Variants in NINL observed in about 807,000 individuals in gnomAD.
NINL encodes ninein-like protein.
A neutral mutation model predicts 160.3 loss-of-function variants in NINL; 153 were observed. The observed-to-expected ratio is 0.95, with a 90% CI of 0.84 to 1.09. The LOEUF (loss-of-function observed/expected upper bound fraction) is 1.09, where lower values mean the gene tolerates loss of function less well. Ranked by LOEUF, NINL falls within the 50% of genes least tolerant of loss-of-function variation. The pLI is 0.00. For synonymous variants in NINL, 800 were observed against 734.8 expected (o/e 1.09, Z -1.43); for missense variants, 1,829 against 1,764.0 (o/e 1.04, Z -0.66).
At chr20:25,517,906 A>C in intron 2 of NINL, 57 bp from the exon 3 acceptor site, 1 of 1,105,624 alleles carries the variant, frequency 9.0e-7, no homozygotes, top group Non-Finnish European at 1.3e-6. Flanking sequence ...CACACAATTC[A>C]AAAGTGACTC....
chr20:25,496,562 C>T, intron 10 of NINL, 101 bp downstream of exon 10: 2 of 1,434,126 alleles, frequency 1.4e-6, no homozygotes, highest in South Asian at 1.3e-5. Flanking sequence ...CACTGAGCCA[C>T]ACCCGCAGCT....
chr20:25,572,993 A>C (rs2147178040), intron 1 of NINL, among the ~76,000 whole-genome samples: 1 of 152,254 alleles, frequency 6.6e-6, no homozygotes, highest in Non-Finnish European at 1.5e-5. Context: ...TTTCATGTTG[A>C]CTATAAAGAA....
intron 1 of NINL, among the ~76,000 whole-genome samples, chr20:25,549,542 T>A (rs951526724): frequency 4.6e-5 from 7 of 152,224 alleles, no homozygotes; most frequent in African/African-American, 9.6e-5. Flanking sequence ...GTCTGCTGAG[T>A]CTCACTTCCC....
intron 21 of NINL, among the ~76,000 whole-genome samples, chr20:25,460,362 T>G (rs1186627138): frequency 6.6e-6 from 1 of 152,030 alleles, no homozygotes; most frequent in East Asian, 1.9e-4. Flanking sequence ...GAAGAAGGGG[T>G]GACCCACATG....
chr20:25,489,218 A>G (rs1397091214), intron 13 of NINL, 26 bp downstream of exon 13: 3 of 1,609,866 alleles, frequency 1.9e-6, no homozygotes, highest in Non-Finnish European at 2.6e-6. Context: ...ACATGAGACT[A>G]AAAGGCAGAC....
In NINL at chr20:25,468,699, G is replaced by A. The variant is rs560910720; in HGVS notation, c.3354-1241C>T. ...CTGCCCTGTCCCCTGTCACTGGTGGGCGCCTCTCTGCCCTGTCCCCTGACT... is the reference window on the plus strand; with the variant it reads ...CTGCCCTGTCCCCTGTCACTGGTGGACGCCTCTCTGCCCTGTCCCCTGACT... On this transcript the variant is annotated intron_variant, in intron 18 of 23. Transcript: ENST00000278886. 7.1e-5 allele frequency among the ~76,000 whole-genome samples: 10 copies of A among 140,578 alleles called. No homozygotes were observed. In the South Asian group the frequency reaches 2.4e-3, roughly 33 times the overall value. The allele number at this position is 140,578 out of a possible 152,430, so 92.2% of individuals were successfully genotyped here. A position where few individuals can be genotyped will look rare whatever the true frequency, so the allele number is the denominator to read the frequency against.
rs767584199 is a variant in NINL, at chr20:25,476,340, C to T, written c.2951G>A (p.Arg984Gln). The T allele has an allele frequency of 2.7e-5, 43 of 1,612,422 alleles. No individual in the cohort carries two copies. In the African/African-American group the frequency reaches 4.4e-4, roughly 17 times the overall value. The part of the protein sequence containing the change: ...RLQAIQEERA[R>Q]SWSRGTQEQA... The stretch of plus-strand genomic sequence containing the variant: ...CTCCTGGGTGCCCCTGCTCCAGCTT[C>T]GTGCTCGCTCTTCCTGAATGGCCTG... The change falls in exon 17 of 24, where the codon CGA becomes CAA. Residue 984 changes from arginine (R) to glutamine (Q), a missense_variant. Arg to Gln is a conservative substitution (Grantham distance 43). Transcript: ENST00000278886.
intron 2 of NINL, among the ~76,000 whole-genome samples, chr20:25,522,665 G>C (rs1412389692): frequency 1.3e-5 from 2 of 152,180 alleles, no homozygotes; most frequent in African/African-American, 4.8e-5. Context: ...CTTTTGTGTT[G>C]TTGGTAATAA....
chr20:25,498,404 C>T, intron 8 of NINL, 58 bp from the exon 9 acceptor site: 1 of 1,594,980 alleles, frequency 6.3e-7, no homozygotes, highest in Non-Finnish European at 8.5e-7. Flanking sequence ...AAGCAGACAC[C>T]TCTTTGCTCC....
chr20:25,498,560 C>T (rs1307799869), intron 8 of NINL, among the ~76,000 whole-genome samples: 1 of 152,236 alleles, frequency 6.6e-6, no homozygotes, highest in African/African-American at 2.4e-5. Context: ...CCTCCTGCCT[C>T]TGCCTCAGGG....
chr20:25,474,913 G>A lies in NINL; in HGVS notation c.3248+1130C>T, dbSNP rs553276803. On this transcript the variant is annotated intron_variant, in intron 17 of 23. Transcript: ENST00000278886. ...AGCGATTCTCCTGCCTTAGCCTCCCGAGTAGCTGGGATTACAGGCGCACGC... is the reference window on the plus strand; with the variant it reads ...AGCGATTCTCCTGCCTTAGCCTCCCAAGTAGCTGGGATTACAGGCGCACGC... Among the ~76,000 whole-genome samples the A allele has an allele frequency of 1.4e-3, 216 of 150,346 alleles. 1 individual carries two copies. Among genetic ancestry groups the A allele is most frequent in the African/African-American group, 4.8e-3 (197 of 40,702 alleles).
chr20:25,499,090 T>C, intron 8 of NINL: 1 of 985,458 alleles, frequency 1.0e-6, no homozygotes, highest in Non-Finnish European at 1.2e-6. Flanking sequence ...GCAGGGCGGC[T>C]GAAGCAGGTG....
At chr20:25,471,933 G>A (rs1419599380) in intron 17 of NINL, among the ~76,000 whole-genome samples, 1 of 152,150 alleles carries the variant, frequency 6.6e-6, no homozygotes, top group African/African-American at 2.4e-5. Flanking sequence ...GCAGAAGCCA[G>A]AAGCCAGAAT....
intron 17 of NINL, among the ~76,000 whole-genome samples, chr20:25,473,528 T>TAAAAC (rs1555846449): frequency 3.0e-4 from 45 of 150,176 alleles, no homozygotes; most frequent in African/African-American, 1.1e-3. Flanking sequence ...TAAAATAAAA[T>TAAAAC]AAAACAAAGT....
rs146085894 is a variant in NINL at position 25,479,012 on chromosome 20, G to C, written c.2112C>G (p.Pro704=). 1.9e-6 allele frequency: 3 copies of C among 1,608,602 alleles called. No individual in the cohort carries two copies. The highest frequency in any genetic ancestry group is 2.5e-6 in the Non-Finnish European group (3 of 1,179,756). Residue 704 remains proline, a synonymous_variant, in exon 16 of 24, where the codon CCC becomes CCG. Transcript: ENST00000278886. ...QEQLQDTARG[P]EPEQMGLAPC... ...GTGCCAGGCCCATCTGCTCAGGCTC[G>C]GGGCCGCGGGCTGTGTCCTGCAGCT...
At chr20:25,491,961 G>A (rs2063650737) in intron 10 of NINL, among the ~76,000 whole-genome samples, 2 of 152,252 alleles carry the variant, frequency 1.3e-5, no homozygotes, top group Non-Finnish European at 2.9e-5. Context: ...GCAATCTGAG[G>A]AAGAGGTGGG....
At chr20:25,504,764 G>C (rs895070352) in intron 6 of NINL, 124 bp downstream of exon 6, 1 of 1,014,848 alleles carries the variant, frequency 9.9e-7, no homozygotes, top group Non-Finnish European at 1.4e-6. Flanking sequence ...GCCACCAAAG[G>C]ATTTTAGATT....
chr20:25,541,789 T>C (rs967565013), intron 1 of NINL, among the ~76,000 whole-genome samples: 26 of 152,124 alleles, frequency 1.7e-4, no homozygotes, highest in South Asian at 6.2e-4. Context: ...ATAACAGAAA[T>C]AGAAGAAATG....
intron 5 of NINL, among the ~76,000 whole-genome samples, chr20:25,505,763 C>G (rs1217193640): frequency 6.6e-6 from 1 of 152,108 alleles, no homozygotes; most frequent in Non-Finnish European, 1.5e-5. Flanking sequence ...GATGGACAGA[C>G]AGAGGGATGG....
Sources: allele counts gnomAD v4.1 joint callset (sites outside exome capture counted in the v4.1 genomes callset), GRCh38; gene constraint gnomAD v4.1.1; transcripts MANE v1.5; gene names NCBI Gene and HGNC (gene_info 2026-07-23, HGNC 2026-07-21).